Variants in IFT172 observed in about 807,000 individuals in gnomAD.
IFT172 encodes the protein intraflagellar transport 172, also known as intraflagellar transport protein 172 homolog.
In IFT172, 164 loss-of-function variants were observed where a neutral mutation model predicts 248.9. The ratio of observed to expected loss-of-function variants is 0.66; its 90% CI spans 0.58 to 0.75. IFT172 has a LOEUF of 0.75. IFT172 is among the 30% of genes least tolerant of loss of function. The pLI, the probability that IFT172 is intolerant of heterozygous loss-of-function variation, is 0.00. For missense variants in IFT172, 1,950 were observed against 2,192.4 expected (o/e 0.89, Z 2.21); for synonymous variants, 729 against 791.6 (o/e 0.92, Z 1.33).
rs1010504106 is a variant in IFT172, at chr2:27,477,054, G to A, written c.1325+163C>T. 8.7e-6 allele frequency: 6 copies of A among 686,980 alleles called. No homozygotes were observed. The African/African-American group carries it at 1.1e-4, about 12-fold the overall frequency. 42.6% of individuals were successfully genotyped at this position (686,980 alleles called of 1,614,324 possible). On this transcript the variant is annotated intron_variant, in intron 13 of 47. Coordinates refer to ENST00000260570, the MANE Select transcript of IFT172 (RefSeq NM_015662.3). ...TGCCCAGGCTGGTCTTGAACTCCTG[G>A]ACTCAAGTAATCTGCTTGCCTCCTC...
At chr2:27,444,542 A>G in intron 47 of IFT172, 21 bp from the exon 48 acceptor site, 1 of 1,592,978 alleles carries the variant, frequency 6.3e-7, no homozygotes. Context: ...ATGGAAGAAC[A>G]TGAGAGGAAC....
intron 14 of IFT172, among the ~76,000 whole-genome samples, chr2:27,476,436 A>C (rs1276438454): frequency 6.6e-6 from 1 of 152,042 alleles, no homozygotes; most frequent in Non-Finnish European, 1.5e-5. Context: ...CCTGGACTGA[A>C]CCTTTGTTTT....
intron 40 of IFT172, among the ~76,000 whole-genome samples, chr2:27,448,517 A>G (rs950667599): frequency 6.6e-6 from 1 of 152,240 alleles, no homozygotes; most frequent in African/African-American, 2.4e-5. Context: ...GTGCTGTGTG[A>G]GTGTGGGCAA....
intron 20 of IFT172, among the ~76,000 whole-genome samples, chr2:27,462,098 C>T (rs1257638375): frequency 6.6e-6 from 1 of 151,564 alleles, no homozygotes; most frequent in Non-Finnish European, 1.5e-5. Flanking sequence ...GTTGTGTGAT[C>T]TCGGGCTCAC....
intron 11 of IFT172, 34 bp from the exon 12 acceptor site, chr2:27,477,646 A>G: frequency 7.2e-7 from 1 of 1,386,064 alleles, no homozygotes; most frequent in African/African-American, 1.4e-5. Flanking sequence ...AGCAATGTGG[A>G]TAAATACCCA....
chr2:27,488,864 A>G (rs1403605767), intron 1 of IFT172, among the ~76,000 whole-genome samples: 1 of 152,226 alleles, frequency 6.6e-6, no homozygotes, highest in Non-Finnish European at 1.5e-5. Context: ...ACAAAAAACA[A>G]AAACAAAAAC....
intron 15 of IFT172, chr2:27,471,852 AC>A (rs1667595701): frequency 3.8e-6 from 1 of 260,584 alleles, no homozygotes; most frequent in East Asian, 8.2e-5. Context: ...AGCCTGGCCA[AC>A]ATGGTGAAAA....
At position 27,484,251 on chromosome 2, in the gene IFT172, G is replaced by A. The variant is rs762970257; in HGVS notation, c.312C>T (p.Val104=). Residue 104 remains valine (V), a synonymous_variant, in exon 4 of 48, where the codon GTC becomes GTT. Coordinates refer to ENST00000260570, the MANE Select transcript of IFT172 (RefSeq NM_015662.3). ...CCGTCTGGATGAACTTGTTGCAGAT[G>A]ACTTTCTTGTCACCCCTGCCAAACA... The part of the protein sequence containing the change: ...KIGEDWGDKK[V]ICNKFIQTSA... 1.9e-6 allele frequency: 3 copies of A among 1,613,968 alleles called. No individual in the cohort carries two copies. In the East Asian group the frequency reaches 6.7e-5, roughly 36 times the overall value.
intron 18 of IFT172, among the ~76,000 whole-genome samples, chr2:27,463,611 C>T (rs1224327338): frequency 1.3e-5 from 2 of 149,964 alleles, no homozygotes; most frequent in Non-Finnish European, 2.9e-5. Context: ...ATTCTTCTTC[C>T]GATGTGGCTC....
At chr2:27,472,817 A>C (rs1667672288) in intron 14 of IFT172, among the ~76,000 whole-genome samples, 1 of 152,230 alleles carries the variant, frequency 6.6e-6, no homozygotes, top group Admixed American at 6.5e-5. Flanking sequence ...TGGTCACTGC[A>C]GAGGATGAAT....
chr2:27,473,932 C>T (rs906862877), intron 14 of IFT172, among the ~76,000 whole-genome samples: 1 of 151,746 alleles, frequency 6.6e-6, no homozygotes, highest in African/African-American at 2.4e-5. Flanking sequence ...CTCAGCCTCC[C>T]GAGTAGCTGG....
Position 27,454,699 on chromosome 2 carries a change from G to T in IFT172, c.3372-39C>A. 1 of 1,552,244 alleles carries T rather than the reference G, an allele frequency of 6.4e-7. No homozygotes were observed. The highest frequency in any genetic ancestry group is 8.9e-7 in the Non-Finnish European group (1 of 1,125,006). ...TGCAGATAAAGTTTTCTTGCTTCAT[G>T]CTTCCCTTCATAAAAGGAACAAGAC... On this transcript the variant is annotated intron_variant, in intron 30 of 47. Coordinates refer to ENST00000260570, the MANE Select transcript of IFT172 (RefSeq NM_015662.3). This position sits in a 1 kb window ranked among gnomAD's most constrained non-coding sequence, Gnocchi z 4.2.
rs2148528504 is a variant in IFT172, at chr2:27,471,045, G to C, written c.1575C>G (p.Phe525Leu). The C allele has an allele frequency of 6.2e-7, 1 of 1,612,820 alleles. No homozygotes were observed. The highest frequency in any genetic ancestry group is 2.2e-5 in the East Asian group (1 of 44,874). ...CTGGGACCCACTGCATATAGGAGCA[G>C]AAGTTGAGGATCATTGTCTTAGAGC... The part of the protein sequence containing the change: ...ESCSKTMILN[F>L]CSYMQWVPGS... The change falls in exon 16 of 48, where the codon TTC (phenylalanine) becomes TTG (leucine). Residue 525 changes from phenylalanine to leucine, a missense_variant. Phe to Leu is a conservative substitution (Grantham distance 22). This residue lies in a region of IFT172 where 1,166 missense variants were observed against 1,254.1 expected (regional missense o/e 0.93). Transcript: ENST00000260570.
At chr2:27,466,911 G>C (rs966617552) in intron 16 of IFT172, among the ~76,000 whole-genome samples, 1 of 152,054 alleles carries the variant, frequency 6.6e-6, no homozygotes, top group Non-Finnish European at 1.5e-5. Flanking sequence ...AGCTACTCAG[G>C]AGGCTGAGGT....
intron 16 of IFT172, chr2:27,466,170 C>A (rs1365837558): frequency 2.8e-6 from 1 of 362,294 alleles, no homozygotes; most frequent in African/African-American, 2.1e-5. Flanking sequence ...CTTAAGGGAT[C>A]TCTCATTAAA....
chr2:27,461,760 T>C lies in IFT172; in HGVS notation c.2192A>G (p.Lys731Arg). The C allele has an allele frequency of 6.2e-7, 1 of 1,614,182 alleles. No homozygotes were observed. The highest frequency in any genetic ancestry group is 8.5e-7 in the Non-Finnish European group (1 of 1,180,012). The change falls in exon 21 of 48, where the codon AAG (lysine) becomes AGG (arginine). Residue 731 changes from lysine to arginine, a missense_variant and splice_region_variant. By Grantham distance (26) the Lys-to-Arg change is conservative. Coordinates refer to ENST00000260570, the MANE Select transcript of IFT172 (RefSeq NM_015662.3). Reference protein sequence around the residue: ...WDECIAVAEAKGHPALEKLRR... With the variant: ...WDECIAVAEARGHPALEKLRR... ...CTGTGGAGAAGATAAAACAGGTACCTTGGCTTCAGCCACAGCGATACACTC... is the reference window on the plus strand; with the variant it reads ...CTGTGGAGAAGATAAAACAGGTACCCTGGCTTCAGCCACAGCGATACACTC...
At chr2:27,483,836 C>T (rs1328419078) in intron 5 of IFT172, 36 bp downstream of exon 5, 1 of 1,549,526 alleles carries the variant, frequency 6.5e-7, no homozygotes, top group Admixed American at 1.7e-5. Context: ...ATTATCCCTA[C>T]CACCCCCTCT....
intron 34 of IFT172, 48 bp from the exon 35 acceptor site, chr2:27,453,561 G>C (rs199924914): frequency 6.2e-7 from 1 of 1,610,616 alleles, no homozygotes; most frequent in East Asian, 2.2e-5. Flanking sequence ...GGGGCAGCAT[G>C]CTCTATCCTG....
intron 18 of IFT172, chr2:27,465,106 G>A (rs1666989325): frequency 3.4e-6 from 1 of 291,236 alleles, no homozygotes; most frequent in South Asian, 5.4e-5. Flanking sequence ...ATTTTTAGTA[G>A]AGACGGGGTT....
Sources: gnomAD v4.1 joint callset for allele counts (sites outside exome capture counted in the v4.1 genomes callset) on GRCh38, gnomAD v4.1.1 for gene constraint, gnomAD v4.1.1 regional missense constraint, Gnocchi (gnomAD v3.1) non-coding constraint, MANE v1.5 for transcripts, NCBI Gene and HGNC (gene_info 2026-07-23, HGNC 2026-07-21) for gene names.